CDK14: variants seen among roughly 807,000 people sequenced by gnomAD.
The protein encoded by CDK14 is cyclin-dependent kinase 14.
CDK14 carries 34 observed loss-of-function variants against 60.7 expected under a neutral mutation model. The observed-to-expected ratio is 0.56, with a 90% CI of 0.43 to 0.75. CDK14 has a LOEUF of 0.75. CDK14 is among the 30% of genes least tolerant of loss of function. The probability of loss-of-function intolerance (pLI) is 0.00; values close to 1 mark genes in which losing one functional copy is unlikely to be tolerated. For missense variants in CDK14, 482 were observed against 564.1 expected, an observed-to-expected ratio of 0.85 and a Z score of 1.47; for synonymous variants, 197 against 203.7, an observed-to-expected ratio of 0.97 and a Z score of 0.28.
intron 4 of CDK14, among the ~76,000 whole-genome samples, chr7:90,769,246 T>C (rs1804688524): frequency 1.3e-5 from 2 of 152,194 alleles, no homozygotes; most frequent in South Asian, 2.1e-4. Flanking sequence ...AGAAGAGTCA[T>C]GCCAATTGTA....
At chr7:90,639,595 A>T (rs867303472) in intron 2 of CDK14, among the ~76,000 whole-genome samples, 2 of 151,270 alleles carry the variant, frequency 1.3e-5, no homozygotes, top group Non-Finnish European at 1.5e-5. Context: ...GACCCACTTG[A>T]GGAGGCAGTC....
At chr7:91,090,126 C>T (rs1798757343) in intron 12 of CDK14, among the ~76,000 whole-genome samples, 2 of 152,152 alleles carry the variant, frequency 1.3e-5, no homozygotes, top group Non-Finnish European at 2.9e-5. Flanking sequence ...TAAAGCTGGG[C>T]TCCTTCCTTT....
intron 9 of CDK14, among the ~76,000 whole-genome samples, chr7:90,978,625 A>G (rs1298065752): frequency 6.6e-6 from 1 of 152,162 alleles, no homozygotes; most frequent in East Asian, 1.9e-4. Context: ...CCCATGATGC[A>G]TATCAGCTCA....
intron 11 of CDK14, among the ~76,000 whole-genome samples, chr7:91,053,662 C>T (rs973877018): frequency 6.6e-6 from 1 of 152,194 alleles, no homozygotes; most frequent in African/African-American, 2.4e-5. Context: ...TGCCCACTTT[C>T]CTCATTTGCA....
At chr7:90,740,942 AT>A in intron 3 of CDK14, among the ~76,000 whole-genome samples, 1 of 152,222 alleles carries the variant, frequency 6.6e-6, no homozygotes, top group African/African-American at 2.4e-5. Context: ...ATTTTTATAT[AT>A]TTATATTAGA....
chr7:90,752,387 A>G (rs1283403165), intron 4 of CDK14, among the ~76,000 whole-genome samples: 1 of 152,226 alleles, frequency 6.6e-6, no homozygotes, highest in Non-Finnish European at 1.5e-5. Flanking sequence ...TTGCAATTAC[A>G]TGGAAATTAA....
At chr7:90,732,208 T>G (rs941740384) in intron 3 of CDK14, among the ~76,000 whole-genome samples, 2 of 152,202 alleles carry the variant, frequency 1.3e-5, no homozygotes, top group African/African-American at 4.8e-5. Flanking sequence ...TCATGGTGGA[T>G]AAGCTTTTTG....
At chr7:90,924,527 C>T in intron 8 of CDK14, among the ~76,000 whole-genome samples, 1 of 152,232 alleles carries the variant, frequency 6.6e-6, no homozygotes, top group Non-Finnish European at 1.5e-5. Context: ...AAAATTCAGC[C>T]CAAACCAGAC....
chr7:90,701,587 A>G (rs1005236651), intron 2 of CDK14, among the ~76,000 whole-genome samples: 1 of 152,168 alleles, frequency 6.6e-6, no homozygotes, highest in African/African-American at 2.4e-5. Context: ...CAAGACATCT[A>G]TTAAGTTATT....
intron 6 of CDK14, among the ~76,000 whole-genome samples, chr7:90,867,625 G>A (rs1791231140): frequency 6.6e-6 from 1 of 152,096 alleles, no homozygotes; most frequent in South Asian, 2.1e-4. Flanking sequence ...ATAAGGAGGA[G>A]GGGAAAATAG....
At chr7:90,830,532 G>A (rs565742202) in intron 5 of CDK14, among the ~76,000 whole-genome samples, 6 of 152,266 alleles carry the variant, frequency 3.9e-5, no homozygotes, top group South Asian at 4.2e-4. Context: ...CCCTGGATAC[G>A]TTTTCCCCAT....
chr7:90,850,808 G>C (rs999635077), intron 5 of CDK14, among the ~76,000 whole-genome samples: 1 of 152,134 alleles, frequency 6.6e-6, no homozygotes, highest in African/African-American at 2.4e-5. Flanking sequence ...GAAGTGACTA[G>C]ATCAGATAAA....
chr7:91,022,764 G>C (rs958841888), intron 10 of CDK14, among the ~76,000 whole-genome samples: 1 of 151,964 alleles, frequency 6.6e-6, no homozygotes, highest in African/African-American at 2.4e-5. Context: ...TGTTCAAGAT[G>C]ACAAGAAAAT....
chr7:90,938,253 T>C (rs943125274), intron 8 of CDK14, among the ~76,000 whole-genome samples: 7 of 152,258 alleles, frequency 4.6e-5, no homozygotes, highest in South Asian at 2.1e-4. Flanking sequence ...CTTTGTTTTG[T>C]GAGTCTTTCA....
intron 2 of CDK14, among the ~76,000 whole-genome samples, chr7:90,703,137 A>G (rs566441561): frequency 1.4e-4 from 21 of 151,994 alleles, no homozygotes; most frequent in African/African-American, 4.1e-4. Context: ...CCTCAATGGC[A>G]TTTTGACACC....
At chr7:91,104,894 A>G (rs551802863) in intron 12 of CDK14, among the ~76,000 whole-genome samples, 28 of 152,214 alleles carry the variant, frequency 1.8e-4, no homozygotes, top group Non-Finnish European at 3.1e-4. Flanking sequence ...CCTAAAAATT[A>G]TAAGTGTAGG....
intron 5 of CDK14, among the ~76,000 whole-genome samples, chr7:90,851,425 A>G (rs1790642450): frequency 6.6e-6 from 1 of 152,188 alleles, no homozygotes; most frequent in African/African-American, 2.4e-5. Context: ...ATGGGTCAGT[A>G]GAAGGTTGAG....
chr7:90,864,703 A>G (rs1313275665), intron 6 of CDK14, among the ~76,000 whole-genome samples: 1 of 152,200 alleles, frequency 6.6e-6, no homozygotes, highest in Non-Finnish European at 1.5e-5. Flanking sequence ...TACATATTGG[A>G]TCAAGTGTCA....
intron 11 of CDK14, among the ~76,000 whole-genome samples, chr7:91,049,119 C>A (rs945296720): frequency 6.6e-6 from 1 of 152,026 alleles, no homozygotes; most frequent in Non-Finnish European, 1.5e-5. Flanking sequence ...TGGGCTCAAG[C>A]AGTCCTCCCA....
Sources: gnomAD v4.1 joint callset for allele counts (sites outside exome capture counted in the v4.1 genomes callset) on GRCh38, gnomAD v4.1.1 for gene constraint, MANE v1.5 for transcripts, NCBI Gene and HGNC (gene_info 2026-07-23, HGNC 2026-07-21) for gene names.